OTUD6B: variants seen among roughly 807,000 people sequenced by gnomAD.
OTUD6B encodes the protein deubiquitinase OTUD6B.
A neutral mutation model predicts 36.9 loss-of-function variants in OTUD6B; 41 were observed. That is an observed-to-expected ratio of 1.11 (90% CI 0.87 to 1.44). The LOEUF (loss-of-function observed/expected upper bound fraction) is 1.44, where lower values mean the gene tolerates loss of function less well. OTUD6B is among the 40% of genes most tolerant of loss of function. OTUD6B has a pLI of 0.00. For missense variants in OTUD6B, 356 were observed against 344.8 expected (o/e 1.03, Z -0.26); for synonymous variants, 114 against 114.2 (o/e 1.00, Z 0.01).
Position 91,078,608 on chromosome 8 carries a change from C to CA in OTUD6B, c.569dup (p.His190GlnfsTer13). 1 of 1,601,118 alleles carries CA rather than the reference C, an allele frequency of 6.2e-7. No individual in the cohort carries two copies. The highest frequency in any genetic ancestry group is 8.5e-7 in the Non-Finnish European group (1 of 1,173,068). On this transcript the variant is annotated frameshift_variant, in exon 4 of 7. Transcript: ENST00000404789. LOFTEE classifies it high-confidence loss of function. ...TCAGACCGCTGAGTATATGCAAAGC[C>CA]ATGTGGAAGACTTTCTGCCATTTTT...
chr8:91,080,434 CAGA>C (rs1812881688), intron 4 of OTUD6B: 1 of 396,356 alleles, frequency 2.5e-6, no homozygotes, highest in Non-Finnish European at 3.4e-6. Flanking sequence ...GGGCCTCCAA[CAGA>C]AGAAGAAAAG....
At chr8:91,076,416 C>CA in intron 3 of OTUD6B, 4 of 974,364 alleles carry the variant, frequency 4.1e-6, no homozygotes, top group Non-Finnish European at 4.9e-6. Context: ...AAAGGAAACT[C>CA]AATTGCTTTG....
chr8:91,071,364 C>CTTTT, intron 2 of OTUD6B, 75 bp downstream of exon 2: 4 of 818,136 alleles, frequency 4.9e-6, no homozygotes, highest in South Asian at 4.1e-5. Flanking sequence ...TGTTAAACTG[C>CTTTT]TTTTTTTTTT....
chr8:91,083,948 C>T lies in OTUD6B; in HGVS notation c.691-60C>T. Reference sequence around the variant, plus strand: ...TGCTCTGACTGGTTGCCCGTTCACACATATTTGAATGTGATTTACATTTTT... The same window carrying T: ...TGCTCTGACTGGTTGCCCGTTCACATATATTTGAATGTGATTTACATTTTT... On this transcript the variant is annotated intron_variant, in intron 5 of 6. Coordinates refer to ENST00000404789, the MANE Select transcript of OTUD6B (RefSeq NM_016023.5). 3.9e-6 allele frequency: 6 copies of T among 1,538,134 alleles called. No individual in the cohort carries two copies. The Middle Eastern group carries it at 5.1e-4, about 130-fold the overall frequency.
Position 91,078,372 on chromosome 8 carries a change from T to C in OTUD6B, c.332T>C (p.Leu111Ser). ...AQKRREKKAA[L>S]EKEREERIAE... ...TTTTCTTAGGAAAAGAAAGCTGCAT[T>C]GGAAAAGGAGCGAGAAGAACGGATA... The change falls in exon 4 of 7, where the codon TTG becomes TCG. Residue 111 changes from leucine to serine, a missense_variant. Physicochemically the swap from Leu to Ser is moderately radical, Grantham distance 145 (BLOSUM62 -2). Transcript: ENST00000404789. 6.3e-7 allele frequency: 1 copy of C among 1,575,078 alleles called. No homozygotes were observed. The highest frequency in any genetic ancestry group is 1.4e-5 in the African/African-American group (1 of 73,648).
chr8:91,070,346 A>C lies in OTUD6B; in HGVS notation c.-39A>C, dbSNP rs199542428. ...GTGGAAGGTGCCTACTAGCCGGTGC[A>C]GGTTTCTTCTAGCGCGTGTGCTGGG... is the stretch of plus-strand genomic sequence containing the variant. On this transcript the variant is annotated 5_prime_UTR_variant, in exon 1 of 7. Coordinates refer to ENST00000404789, the MANE Select transcript of OTUD6B (RefSeq NM_016023.5). 5 of 1,613,194 alleles carry C rather than the reference A, an allele frequency of 3.1e-6. No individual in the cohort carries two copies. Among genetic ancestry groups the C allele is most frequent in the Non-Finnish European group, 3.4e-6 (4 of 1,179,582 alleles).
intron 5 of OTUD6B, 56 bp from the exon 6 acceptor site, chr8:91,083,952 T>C: frequency 6.5e-7 from 1 of 1,540,100 alleles, no homozygotes; most frequent in South Asian, 1.2e-5. Flanking sequence ...TTCACACATA[T>C]TTGAATGTGA....
At chr8:91,075,572 A>G (rs1812789301) in intron 3 of OTUD6B, among the ~76,000 whole-genome samples, 1 of 152,098 alleles carries the variant, frequency 6.6e-6, no homozygotes, top group South Asian at 2.1e-4. Context: ...AAGATACTGC[A>G]CAACTGGAAT....
At chr8:91,074,776 T>C (rs947291648) in intron 3 of OTUD6B, among the ~76,000 whole-genome samples, 3 of 152,132 alleles carry the variant, frequency 2.0e-5, no homozygotes, top group Non-Finnish European at 4.4e-5. Flanking sequence ...TTGCATCTTA[T>C]GACATAGTAT....
chr8:91,080,590 T>C, intron 4 of OTUD6B, 79 bp from the exon 5 acceptor site: 2 of 1,511,752 alleles, frequency 1.3e-6, no homozygotes, highest in African/African-American at 1.4e-5. Flanking sequence ...TTGTCAGGAA[T>C]TGTGGGAACT....
chr8:91,079,982 C>T (rs890201370), intron 4 of OTUD6B, among the ~76,000 whole-genome samples: 12 of 152,106 alleles, frequency 7.9e-5, no homozygotes, highest in Non-Finnish European at 1.3e-4. Flanking sequence ...TTCCTTCCAT[C>T]TCTGTAGTAA....
intron 3 of OTUD6B, chr8:91,076,496 G>A (rs1175354881): frequency 7.9e-6 from 12 of 1,510,744 alleles, no homozygotes; most frequent in Non-Finnish European, 1.1e-5. Context: ...GGCTTAAACA[G>A]TTTTGCAGAT....
rs1303363318 is a variant in OTUD6B, at chr8:91,087,014, A to G, written c.*2146A>G. 6.6e-6 allele frequency: 1 copy of G among 152,038 alleles called. No homozygotes were observed. Among genetic ancestry groups the G allele is most frequent in the East Asian group, 1.9e-4 (1 of 5,200 alleles). 9.4% of individuals were successfully genotyped at this position (152,038 alleles called of 1,614,324 possible). ...GTATAAAGCAAAAAAGAATGTGTGT[A>G]ACTATAGTGAACGCATAGTTTTGCT... is the stretch of plus-strand genomic sequence containing the variant. On this transcript the variant is annotated 3_prime_UTR_variant, in exon 7 of 7. Coordinates refer to ENST00000404789, the MANE Select transcript of OTUD6B (RefSeq NM_016023.5).
rs1321345239 is a variant in OTUD6B, at chr8:91,078,473, A to G, written c.433A>G (p.Arg145Gly). 3.7e-6 allele frequency: 6 copies of G among 1,606,840 alleles called. No homozygotes were observed. The highest frequency in any genetic ancestry group is 8.5e-7 in the Non-Finnish European group (1 of 1,176,286). The change falls in exon 4 of 7, where the codon AGA becomes GGA. Residue 145 changes from arginine to glycine, a missense_variant. Transcript: ENST00000404789. ...GAAACTTGCTCAAATATTGGCAGCT[A>G]GACAGTTAGAAATTAAACAGATTCC... The part of the protein sequence containing the change: ...SEKLAQILAA[R>G]QLEIKQIPSD...
rs1812841925 is a variant in OTUD6B at position 91,078,498 on chromosome 8, C to T, written c.458C>T (p.Pro153Leu). ...AARQLEIKQI[P>L]SDGHCMYKAI... ...AGACAGTTAGAAATTAAACAGATTC[C>T]ATCTGATGGCCACTGTATGTATAAA... Residue 153 changes from proline (P) to leucine (L), a missense_variant, in exon 4 of 7, where the codon CCA (proline) becomes CTA (leucine). Coordinates refer to ENST00000404789, the MANE Select transcript of OTUD6B (RefSeq NM_016023.5). The T allele has an allele frequency of 1.9e-6, 3 of 1,609,008 alleles. No homozygotes were observed. Among genetic ancestry groups the T allele is most frequent in the South Asian group, 2.2e-5 (2 of 90,208 alleles).
chr8:91,076,537 T>C, intron 3 of OTUD6B: 1 of 1,524,684 alleles, frequency 6.6e-7, no homozygotes, highest in Non-Finnish European at 8.8e-7. Flanking sequence ...CAGTAAATAG[T>C]ACATGACATC....
chr8:91,081,339 A>G (rs1249568715), intron 5 of OTUD6B, among the ~76,000 whole-genome samples: 1 of 150,930 alleles, frequency 6.6e-6, no homozygotes, highest in African/African-American at 2.4e-5. Context: ...CTCTAATTTT[A>G]AAAAAATCTT....
At chr8:91,076,394 C>A in intron 3 of OTUD6B, 1 of 882,454 alleles carries the variant, frequency 1.1e-6, no homozygotes, top group Non-Finnish European at 1.4e-6. Context: ...GATTTCTTAC[C>A]TAGTGCCCTG....
At position 91,084,054 on chromosome 8, in the gene OTUD6B, A is replaced by C. The variant is rs1457257786; in HGVS notation, c.737A>C (p.Gln246Pro). Residue 246 changes from glutamine to proline, a missense_variant, in exon 6 of 7, where the codon CAG (glutamine) becomes CCG (proline). Physicochemically the swap from Gln to Pro is moderately conservative, Grantham distance 76. Transcript: ENST00000404789. ...TTACAAACACCAATAGAGATAATAC[A>C]GGCAGATTCTCCTCCCATTATAGTT... ...HILQTPIEII[Q>P]ADSPPIIVGE... 6.3e-7 allele frequency: 1 copy of C among 1,581,870 alleles called. No homozygotes were observed. Among genetic ancestry groups the C allele is most frequent in the Non-Finnish European group, 8.6e-7 (1 of 1,162,358 alleles).
Sources: gnomAD v4.1 joint callset for allele counts (sites outside exome capture counted in the v4.1 genomes callset) on GRCh38, gnomAD v4.1.1 for gene constraint, MANE v1.5 for transcripts, NCBI Gene and HGNC (gene_info 2026-07-23, HGNC 2026-07-21) for gene names.